FBXL17: variants seen among roughly 807,000 people sequenced by gnomAD.
FBXL17 encodes F-box/LRR-repeat protein 17.
A neutral mutation model predicts 66.2 loss-of-function variants in FBXL17; 22 were observed. That is an observed-to-expected ratio of 0.33 (90% CI 0.24 to 0.47). The LOEUF (loss-of-function observed/expected upper bound fraction) is 0.47. FBXL17 is among the 20% of genes least tolerant of loss of function. FBXL17 has a pLI of 1.00. For missense variants in FBXL17, 878 were observed against 948.2 expected, an observed-to-expected ratio of 0.93 and a Z score of 0.97; for synonymous variants, 474 against 400.5, an observed-to-expected ratio of 1.18 and a Z score of -2.19.
intron 6 of FBXL17, among the ~76,000 whole-genome samples, chr5:108,171,283 T>G (rs1457112293): frequency 6.6e-6 from 1 of 152,220 alleles, no homozygotes; most frequent in Non-Finnish European, 1.5e-5. Context: ...AACTGCTTGT[T>G]GCAACCAACT....
At chr5:108,016,711 T>C (rs1440828758) in intron 7 of FBXL17, among the ~76,000 whole-genome samples, 2 of 152,192 alleles carry the variant, frequency 1.3e-5, no homozygotes, top group African/African-American at 4.8e-5. Flanking sequence ...TTTCACCTTC[T>C]TGTCTTCTTC....
intron 6 of FBXL17, among the ~76,000 whole-genome samples, chr5:108,071,227 G>T (rs76319018): frequency 0.023 from 3,471 of 152,270 alleles, 172 homozygotes; most frequent in East Asian, 0.2. Context: ...GTGCACTTTA[G>T]TATTGTGTTT....
intron 8 of FBXL17, among the ~76,000 whole-genome samples, chr5:107,872,853 C>T (rs768066194): frequency 3.3e-5 from 5 of 152,170 alleles, no homozygotes; most frequent in East Asian, 1.9e-4. Flanking sequence ...CACAGGGAGA[C>T]GATGGCGAAT....
At chr5:108,142,848 A>C (rs145443958) in intron 6 of FBXL17, among the ~76,000 whole-genome samples, 487 of 152,144 alleles carry the variant, frequency 3.2e-3, no homozygotes, top group Non-Finnish European at 3.9e-3. Context: ...AGATTCTTAC[A>C]GTGGACGGAT....
intron 7 of FBXL17, among the ~76,000 whole-genome samples, chr5:107,983,844 AG>A (rs1165503962): frequency 2.6e-5 from 4 of 152,188 alleles, no homozygotes; most frequent in Non-Finnish European, 5.9e-5. Context: ...TAGGCATGGC[AG>A]GGAATAATAG....
At chr5:108,227,578 C>CT (rs1755153461) in intron 4 of FBXL17, among the ~76,000 whole-genome samples, 1 of 152,176 alleles carries the variant, frequency 6.6e-6, no homozygotes, top group Non-Finnish European at 1.5e-5. Flanking sequence ...ATGGGTGACT[C>CT]TTTTTGTATC....
intron 7 of FBXL17, among the ~76,000 whole-genome samples, chr5:107,956,601 A>C (rs1432140539): frequency 1.3e-5 from 2 of 152,210 alleles, no homozygotes; most frequent in Non-Finnish European, 2.9e-5. Context: ...GGGATTAAAG[A>C]AAATTTACGT....
chr5:108,250,526 T>C (rs371909365), intron 4 of FBXL17, among the ~76,000 whole-genome samples: 11 of 152,240 alleles, frequency 7.2e-5, no homozygotes, highest in South Asian at 4.1e-4. Context: ...TTGCTGGTTT[T>C]TACTTGTTTT....
At chr5:108,073,467 T>C (rs913161645) in intron 6 of FBXL17, among the ~76,000 whole-genome samples, 1 of 151,642 alleles carries the variant, frequency 6.6e-6, no homozygotes, top group Non-Finnish European at 1.5e-5. Flanking sequence ...AGGACCCAAA[T>C]TGAAGTAAAA....
chr5:108,296,184 G>A (rs539913375), intron 4 of FBXL17, among the ~76,000 whole-genome samples: 10 of 151,664 alleles, frequency 6.6e-5, no homozygotes, highest in Admixed American at 4.6e-4. Context: ...ACAAGAGATA[G>A]GGAAGAATCA....
At chr5:108,296,975 A>G (rs1758373938) in intron 4 of FBXL17, among the ~76,000 whole-genome samples, 1 of 151,412 alleles carries the variant, frequency 6.6e-6, no homozygotes, top group South Asian at 2.1e-4. Context: ...ATATTAAAGG[A>G]AAATAAAAAG....
intron 6 of FBXL17, among the ~76,000 whole-genome samples, chr5:108,077,201 T>C (rs1424152031): frequency 6.6e-6 from 1 of 152,252 alleles, no homozygotes; most frequent in African/African-American, 2.4e-5. Flanking sequence ...ATTTTCCTTA[T>C]GAAAATCTTT....
intron 7 of FBXL17, among the ~76,000 whole-genome samples, chr5:107,899,458 T>C (rs1189926181): frequency 3.3e-5 from 5 of 151,978 alleles, no homozygotes; most frequent in African/African-American, 4.8e-5. Flanking sequence ...CCTGCGCAAA[T>C]AGTGAGACCC....
chr5:108,018,083 A>C (rs902996445), intron 7 of FBXL17, among the ~76,000 whole-genome samples: 1 of 152,128 alleles, frequency 6.6e-6, no homozygotes, highest in Non-Finnish European at 1.5e-5. Context: ...CTGTACTAAA[A>C]GAATGTACAT....
intron 4 of FBXL17, among the ~76,000 whole-genome samples, chr5:108,284,443 C>G (rs1333519500): frequency 6.6e-6 from 1 of 151,768 alleles, no homozygotes; most frequent in African/African-American, 2.4e-5. Flanking sequence ...TAAAACAAGC[C>G]AGGCACAGAA....
chr5:108,370,454 C>G (rs1270403201), intron 1 of FBXL17, among the ~76,000 whole-genome samples: 1 of 152,004 alleles, frequency 6.6e-6, no homozygotes, highest in Non-Finnish European at 1.5e-5. Flanking sequence ...TATAGAATAT[C>G]ATAAAAGTGG....
chr5:108,293,762 C>T (rs1048551466), intron 4 of FBXL17, among the ~76,000 whole-genome samples: 3 of 151,944 alleles, frequency 2.0e-5, no homozygotes, highest in Non-Finnish European at 4.4e-5. Flanking sequence ...GTATTTTGGC[C>T]AGGCGTGGTG....
chr5:108,104,607 T>C (rs536127185), intron 6 of FBXL17, among the ~76,000 whole-genome samples: 1 of 152,332 alleles, frequency 6.6e-6, no homozygotes, highest in South Asian at 2.1e-4. Flanking sequence ...ATGTGTCTTA[T>C]TTTAATTGGA....
At chr5:108,184,892 A>G (rs74472013) in intron 6 of FBXL17, among the ~76,000 whole-genome samples, 6,670 of 152,156 alleles carry the variant, frequency 0.044, 795 homozygotes, top group East Asian at 0.4. Context: ...TTTTGAAAGG[A>G]AAATATTTTT....
Sources: gnomAD v4.1 joint callset for allele counts (sites outside exome capture counted in the v4.1 genomes callset) on GRCh38, gnomAD v4.1.1 for gene constraint, MANE v1.5 for transcripts, NCBI Gene and HGNC (gene_info 2026-07-23, HGNC 2026-07-21) for gene names.